SPEF2: variants seen among roughly 807,000 people sequenced by gnomAD.
SPEF2 encodes the protein sperm flagellar and cilia associated 2.
Under a neutral mutation model 224.6 loss-of-function variants are expected in SPEF2, and 187 were observed. The observed-to-expected ratio is 0.83, with a 90% CI of 0.74 to 0.94. The LOEUF (loss-of-function observed/expected upper bound fraction) is 0.94. SPEF2 is among the 40% of genes least tolerant of loss of function. The probability of loss-of-function intolerance (pLI) is 0.00; values close to 1 mark genes in which losing one functional copy is unlikely to be tolerated. For missense variants in SPEF2, 2,170 were observed against 2,135.6 expected, an observed-to-expected ratio of 1.02 and a Z score of -0.32; for synonymous variants, 715 against 707.3, an observed-to-expected ratio of 1.01 and a Z score of -0.17.
In SPEF2 at chr5:35,667,309, A is replaced by T. The variant is rs759002346; in HGVS notation, c.1355+50A>T. 2.8e-5 allele frequency: 40 copies of T among 1,443,290 alleles called. No individual in the cohort carries two copies. In the African/African-American group the frequency reaches 5.3e-4, roughly 19 times the overall value. The allele number at this position is 1,443,290 out of a possible 1,614,324, so 89.4% of individuals were successfully genotyped here. A position where few individuals can be genotyped will look rare whatever the true frequency, so the allele number is the denominator to read the frequency against. ...GTAGAGACACGATAGAGAATGAGGA[A>T]GGATAAGATTGTAAAATAGATACTA... On this transcript the variant is annotated intron_variant, in intron 9 of 36. Transcript: ENST00000356031.
intron 30 of SPEF2, chr5:35,788,609 C>G: frequency 1.4e-6 from 1 of 702,952 alleles, no homozygotes; most frequent in South Asian, 1.5e-5. Flanking sequence ...TGAGAAAACT[C>G]TAGAGATAAA....
chr5:35,639,117 G>C (rs962837446), intron 2 of SPEF2, among the ~76,000 whole-genome samples: 7 of 152,166 alleles, frequency 4.6e-5, no homozygotes, highest in African/African-American at 1.7e-4. Flanking sequence ...CCAGGGACAA[G>C]GCTTAACAAT....
chr5:35,648,123 T>A (rs1747659491), intron 5 of SPEF2, among the ~76,000 whole-genome samples: 1 of 152,208 alleles, frequency 6.6e-6, no homozygotes, highest in Admixed American at 6.5e-5. Flanking sequence ...TTTTTCCCAT[T>A]TCGTAGATGA....
At chr5:35,705,577 G>A (rs558236275) in intron 17 of SPEF2, 74 bp from the exon 18 acceptor site, 63 of 1,078,344 alleles carry the variant, frequency 5.8e-5, no homozygotes, top group East Asian at 1.1e-4. Context: ...TACGCATGTC[G>A]GATAATTTAT....
At chr5:35,708,658 A>T (rs1438924058) in intron 18 of SPEF2, among the ~76,000 whole-genome samples, 8 of 150,494 alleles carry the variant, frequency 5.3e-5, no homozygotes, top group East Asian at 2.0e-4. Context: ...CTCCACCACC[A>T]CTACCACCAG....
At chr5:35,646,408 G>T in intron 4 of SPEF2, 1 of 268,656 alleles carries the variant, frequency 3.7e-6, no homozygotes, top group Non-Finnish European at 7.0e-6. Flanking sequence ...TTTAGTATCA[G>T]CACACAGAAT....
chr5:35,796,903 G>A (rs2149843013), intron 33 of SPEF2, among the ~76,000 whole-genome samples: 1 of 152,276 alleles, frequency 6.6e-6, no homozygotes, highest in South Asian at 2.1e-4. Context: ...CATAAGGTTG[G>A]CAGTTGCAGG....
At chr5:35,649,277 C>A in intron 5 of SPEF2, 84 bp from the exon 6 acceptor site, 1 of 1,184,548 alleles carries the variant, frequency 8.4e-7, no homozygotes, top group Non-Finnish European at 1.2e-6. Context: ...GTACTTGTCA[C>A]TTTATAAACT....
intron 2 of SPEF2, chr5:35,633,056 A>G (rs1263624274): frequency 1.3e-5 from 2 of 152,182 alleles, no homozygotes; most frequent in African/African-American, 4.8e-5. Flanking sequence ...GGTCTAACGT[A>G]TATTCTCTTT....
chr5:35,689,200 A>G (rs1220900671), intron 10 of SPEF2, among the ~76,000 whole-genome samples: 1 of 152,054 alleles, frequency 6.6e-6, no homozygotes, highest in Non-Finnish European at 1.5e-5. Flanking sequence ...ATCTTTTCAA[A>G]GATTTTATTT....
intron 29 of SPEF2, among the ~76,000 whole-genome samples, chr5:35,777,892 T>C (rs1201185897): frequency 6.6e-6 from 1 of 152,128 alleles, no homozygotes; most frequent in Non-Finnish European, 1.5e-5. Flanking sequence ...CGTGCCGGGC[T>C]ATGGTTGGGT....
intron 36 of SPEF2, among the ~76,000 whole-genome samples, chr5:35,808,485 T>C (rs1240914255): frequency 6.6e-6 from 1 of 151,784 alleles, no homozygotes; most frequent in Non-Finnish European, 1.5e-5. Flanking sequence ...CACCTATGAG[T>C]GAGAACATGC....
chr5:35,779,133 G>T lies in SPEF2; in HGVS notation c.4234G>T (p.Asp1412Tyr). Reference sequence around the variant, plus strand: ...CACTTTCAGTACAGAAAAATTAACTGACGTAGCTCGCTATCACATTGAAAC... The same window carrying T: ...CACTTTCAGTACAGAAAAATTAACTTACGTAGCTCGCTATCACATTGAAAC... ...NEMASTEKLT[D>Y]VARYHIETST... Residue 1412 changes from aspartate (D) to tyrosine (Y), a missense_variant, in exon 30 of 37, where the codon GAC (aspartate) becomes TAC (tyrosine). By Grantham distance (160) the Asp-to-Tyr change is radical. Transcript: ENST00000356031. 1 of 1,612,968 alleles carries T rather than the reference G, an allele frequency of 6.2e-7. No individual in the cohort carries two copies. Among genetic ancestry groups the T allele is most frequent in the South Asian group, 1.1e-5 (1 of 90,930 alleles).
At chr5:35,710,038 C>T (rs1438888270) in intron 19 of SPEF2, 2 of 979,348 alleles carry the variant, frequency 2.0e-6, no homozygotes, top group African/African-American at 1.8e-5. Flanking sequence ...CATATGAAGA[C>T]TTTAGTAAGA....
chr5:35,717,647 A>T (rs1742832629), intron 20 of SPEF2, among the ~76,000 whole-genome samples: 1 of 152,094 alleles, frequency 6.6e-6, no homozygotes, highest in Non-Finnish European at 1.5e-5. Context: ...GCAAGGCCAG[A>T]GTCCCTCTAC....
In SPEF2 at chr5:35,644,346, T is replaced by A; in HGVS notation, c.415-9T>A. The A allele has an allele frequency of 6.7e-7, 1 of 1,491,564 alleles. No homozygotes were observed. Among genetic ancestry groups the A allele is most frequent in the Non-Finnish European group, 9.0e-7 (1 of 1,117,068 alleles). The allele number at this position is 1,491,564 out of a possible 1,614,324, so 92.4% of individuals were successfully genotyped here. On this transcript the variant is annotated splice_polypyrimidine_tract_variant and intron_variant, in intron 3 of 36. Transcript: ENST00000356031. ...TAATAAAATCTTTTGAAATGCTTTT[T>A]TCATTTAGAGACTTAGACACATGAT...
chr5:35,746,592 C>T (rs776524837), intron 23 of SPEF2, among the ~76,000 whole-genome samples: 1 of 150,948 alleles, frequency 6.6e-6, no homozygotes, highest in Non-Finnish European at 1.5e-5. Context: ...AAGACAAGGT[C>T]CTCAAATTAA....
chr5:35,746,438 G>T (rs1419900374), intron 23 of SPEF2, among the ~76,000 whole-genome samples: 1 of 152,158 alleles, frequency 6.6e-6, no homozygotes, highest in Non-Finnish European at 1.5e-5. Flanking sequence ...GGAGTGAAGG[G>T]AGAAATATTC....
intron 1 of SPEF2, among the ~76,000 whole-genome samples, chr5:35,627,308 A>C (rs1046379477): frequency 6.6e-6 from 1 of 151,926 alleles, no homozygotes; most frequent in East Asian, 1.9e-4. Flanking sequence ...ACACTTAAAA[A>C]TTTTTTTTCT....
Sources: allele counts gnomAD v4.1 joint callset (sites outside exome capture counted in the v4.1 genomes callset), GRCh38; gene constraint gnomAD v4.1.1; transcripts MANE v1.5; gene names NCBI Gene and HGNC (gene_info 2026-07-23, HGNC 2026-07-21).